The following RORA variants were observed in gnomAD, a reference collection of about 807,000 sequenced individuals.
RORA encodes the protein nuclear receptor ROR-alpha.
A neutral mutation model predicts 69.5 loss-of-function variants in RORA; 7 were observed. That is an observed-to-expected ratio of 0.10 (90% CI 0.06 to 0.19). The LOEUF is 0.19. RORA is among the 10% of genes least tolerant of loss of function. The pLI, the probability that RORA is intolerant of heterozygous loss-of-function variation, is 1.00. For missense variants in RORA, 457 were observed against 663.0 expected (o/e 0.69, Z 3.41); for synonymous variants, 261 against 240.8 (o/e 1.08, Z -0.78).
At position 60,627,447 on chromosome 15, in the gene RORA, G is replaced by A. The variant is rs201300079; in HGVS notation, c.196+51210C>T. The A allele has an allele frequency of 3.4e-5, 55 of 1,597,192 alleles. 1 individual carries two copies. Among genetic ancestry groups the A allele is most frequent in the Non-Finnish European group, 4.4e-5 (52 of 1,172,208 alleles). On this transcript the variant is annotated intron_variant, in intron 2 of 10. Transcript: ENST00000335670. Reference sequence around the variant, plus strand: ...TGCCCCAGTGTACTATGGAGTCCAAGGTGATCAGACAGATGGCTCCAACAG... The same window carrying A: ...TGCCCCAGTGTACTATGGAGTCCAAAGTGATCAGACAGATGGCTCCAACAG...
intron 2 of RORA, among the ~76,000 whole-genome samples, chr15:60,559,254 A>G (rs1319010128): frequency 6.6e-6 from 1 of 152,084 alleles, no homozygotes; most frequent in Non-Finnish European, 1.5e-5. Flanking sequence ...TTGCCCCAAC[A>G]CTAAATGGCC....
intron 1 of RORA, among the ~76,000 whole-genome samples, chr15:61,010,410 T>G (rs1895048752): frequency 6.6e-6 from 1 of 152,192 alleles, no homozygotes; most frequent in Admixed American, 6.5e-5. Flanking sequence ...ACCCTATTCT[T>G]GGCTTATAAA....
chr15:61,180,143 CAAAAAAAAAAAAAAA>C (rs71456351), intron 1 of RORA, among the ~76,000 whole-genome samples: 1 of 36,690 alleles, frequency 2.7e-5, no homozygotes, highest in Non-Finnish European at 5.4e-5. Context: ...GACTCCATCT[CAAAAAAAAAAAAAAA>C]AAAAAAAAAG....
At chr15:60,544,044 G>A (rs1466247754) in intron 2 of RORA, among the ~76,000 whole-genome samples, 1 of 152,142 alleles carries the variant, frequency 6.6e-6, no homozygotes, top group African/African-American at 2.4e-5. Flanking sequence ...TGGTAAAGTG[G>A]GGAAAAGACT....
chr15:61,022,746 C>G (rs893102042), intron 1 of RORA, among the ~76,000 whole-genome samples: 1 of 152,118 alleles, frequency 6.6e-6, no homozygotes, highest in Non-Finnish European at 1.5e-5. Context: ...CTGGTTAATT[C>G]TATTCTAAAA....
At chr15:61,001,424 A>G (rs888221249) in intron 1 of RORA, among the ~76,000 whole-genome samples, 4 of 152,252 alleles carry the variant, frequency 2.6e-5, no homozygotes, top group Non-Finnish European at 5.9e-5. Flanking sequence ...GTTAAGAGTC[A>G]GAGGAAGAAA....
At chr15:61,104,845 T>C (rs146039575) in intron 1 of RORA, among the ~76,000 whole-genome samples, 4 of 152,254 alleles carry the variant, frequency 2.6e-5, no homozygotes, top group Admixed American at 2.0e-4. Flanking sequence ...GAGGGACCCA[T>C]TGGGAGGTAA....
At chr15:61,060,881 G>C (rs1371027997) in intron 1 of RORA, among the ~76,000 whole-genome samples, 2 of 152,166 alleles carry the variant, frequency 1.3e-5, no homozygotes, top group Non-Finnish European at 2.9e-5. Context: ...TTTTAAGAAA[G>C]TTTACGAATT....
chr15:60,688,857 C>T lies in RORA; in HGVS notation c.167-10171G>A, dbSNP rs1350899736. Among the ~76,000 whole-genome samples, 4 of 152,198 alleles carry T rather than the reference C, an allele frequency of 2.6e-5. No individual in the cohort carries two copies. In the East Asian group the frequency reaches 7.7e-4, roughly 29 times the overall value. ...GCTACCACACAGGTGTTTGCCTAAGCCAATGACTATAGGGCATATGACTAC... is the reference window on the plus strand; with the variant it reads ...GCTACCACACAGGTGTTTGCCTAAGTCAATGACTATAGGGCATATGACTAC... On this transcript the variant is annotated intron_variant, in intron 1 of 10. Transcript: ENST00000335670.
chr15:60,536,142 G>T (rs868657069), intron 2 of RORA, among the ~76,000 whole-genome samples: 68 of 152,080 alleles, frequency 4.5e-4, no homozygotes, highest in African/African-American at 1.5e-3. Flanking sequence ...AGTTCTTAAG[G>T]CCGGGCAGAT....
At chr15:61,074,602 C>T (rs1415204773) in intron 1 of RORA, among the ~76,000 whole-genome samples, 5 of 152,178 alleles carry the variant, frequency 3.3e-5, no homozygotes, top group African/African-American at 1.2e-4. Context: ...AATGCTTATC[C>T]TTCCTTCTTA....
At chr15:61,227,778 G>A (rs1193872201) in intron 1 of RORA, among the ~76,000 whole-genome samples, 1 of 152,168 alleles carries the variant, frequency 6.6e-6, no homozygotes, top group East Asian at 1.9e-4. Context: ...AATCCTCTCC[G>A]TCCCCAGCTC....
At chr15:60,538,242 A>G (rs1321714096) in intron 2 of RORA, among the ~76,000 whole-genome samples, 1 of 152,186 alleles carries the variant, frequency 6.6e-6, no homozygotes, top group Non-Finnish European at 1.5e-5. Context: ...GAGTCAATTC[A>G]GCTAAGAGGT....
At chr15:60,564,292 G>C (rs187978970) in intron 2 of RORA, among the ~76,000 whole-genome samples, 1 of 152,308 alleles carries the variant, frequency 6.6e-6, no homozygotes, top group Admixed American at 6.5e-5. Flanking sequence ...AAGTGATCAT[G>C]CTTGTTCAGT....
intron 1 of RORA, among the ~76,000 whole-genome samples, chr15:61,117,260 G>T (rs1461956929): frequency 1.4e-5 from 2 of 147,310 alleles, no homozygotes; most frequent in Non-Finnish European, 3.0e-5. Flanking sequence ...AAGGCACAAA[G>T]ATTCTGCTAA....
chr15:61,151,009 G>C (rs1291019197), intron 1 of RORA, among the ~76,000 whole-genome samples: 1 of 152,184 alleles, frequency 6.6e-6, no homozygotes, highest in Middle Eastern at 3.2e-3. Context: ...GAACTTCATG[G>C]ATTACCTGAC....
Position 61,175,541 on chromosome 15 carries a change from T to TAAATAAAA in RORA, c.166+53511_166+53512insTTTTATTT, listed in dbSNP as rs61188463. Among the ~76,000 whole-genome samples the TAAATAAAA allele has an allele frequency of 7.8e-4, 94 of 120,200 alleles. 13 individuals are homozygous for TAAATAAAA. The highest frequency in any genetic ancestry group is 1.1e-3 in the Non-Finnish European group (64 of 57,526). 78.9% of individuals were successfully genotyped at this position (120,200 alleles called of 152,430 possible). A position where few individuals can be genotyped will look rare whatever the true frequency, so the allele number is the denominator to read the frequency against. Reference sequence around the variant, plus strand: ...GAGCAACATAGTGAGATCCTGTTTCTAAAAAAAAAAAAAAAAAACTTGCCA... The same window carrying TAAATAAAA: ...GAGCAACATAGTGAGATCCTGTTTCTAAATAAAAAAAAAAAAAAAAAAAAAACTTGCCA... On this transcript the variant is annotated intron_variant, in intron 1 of 10. Coordinates refer to ENST00000335670, the MANE Select transcript of RORA (RefSeq NM_134261.3).
At chr15:61,141,680 C>T (rs943337715) in intron 1 of RORA, among the ~76,000 whole-genome samples, 1 of 152,198 alleles carries the variant, frequency 6.6e-6, no homozygotes, top group East Asian at 1.9e-4. Flanking sequence ...CTACCCAGAA[C>T]AGCCAGAATG....
At chr15:61,132,078 C>A (rs2079194659) in intron 1 of RORA, among the ~76,000 whole-genome samples, 1 of 152,114 alleles carries the variant, frequency 6.6e-6, no homozygotes, top group African/African-American at 2.4e-5. Flanking sequence ...GCATTCAAGT[C>A]TTTTAAAAAA....
Sources: allele counts gnomAD v4.1 joint callset (sites outside exome capture counted in the v4.1 genomes callset), GRCh38; gene constraint gnomAD v4.1.1; transcripts MANE v1.5; gene names NCBI Gene and HGNC (gene_info 2026-07-23, HGNC 2026-07-21).